SIRPG: variants seen among roughly 807,000 people sequenced by gnomAD.
The protein encoded by SIRPG is signal regulatory protein gamma.
A neutral mutation model predicts 35.7 loss-of-function variants in SIRPG; 38 were observed. The observed-to-expected ratio is 1.06, with a 90% CI of 0.82 to 1.40. The LOEUF is 1.40. Ranked by LOEUF, SIRPG falls within the 40% of genes most tolerant of loss-of-function variation. The pLI is 0.00. For synonymous variants in SIRPG, 215 were observed against 190.4 expected, an observed-to-expected ratio of 1.13 and a Z score of -1.06; for missense variants, 519 against 483.0, an observed-to-expected ratio of 1.07 and a Z score of -0.70.
chr20:1,683,708 C>T, the SIRPG span, among the ~76,000 whole-genome samples: 1 of 152,156 alleles, frequency 6.6e-6, no homozygotes, highest in Non-Finnish European at 1.5e-5. Flanking sequence ...AGAGTAGAGC[C>T]TATAATCACA....
upstream of SIRPG, among the ~76,000 whole-genome samples, chr20:1,659,916 G>C (rs1235783745): frequency 2.0e-5 from 3 of 152,126 alleles, no homozygotes; most frequent in Non-Finnish European, 4.4e-5. Context: ...GTGCAAGCAA[G>C]AATCACCAAA....
At chr20:1,674,152 C>T in the SIRPG span, among the ~76,000 whole-genome samples, 6 of 152,164 alleles carry the variant, frequency 3.9e-5, no homozygotes, top group African/African-American at 1.4e-4. Flanking sequence ...TTTGCATGCC[C>T]AGGCTCATGT....
chr20:1,650,618 G>T lies in SIRPG; in HGVS notation c.74-1210C>A, dbSNP rs555958821. Among the ~76,000 whole-genome samples the T allele has an allele frequency of 1.0e-3, 153 of 152,182 alleles. 1 individual carries two copies. Among genetic ancestry groups the T allele is most frequent in the Non-Finnish European group, 1.9e-3 (132 of 68,000 alleles). On this transcript the variant is annotated intron_variant, in intron 1 of 5. Coordinates refer to ENST00000303415, the MANE Select transcript of SIRPG (RefSeq NM_018556.4). ...TAAGGGAATTCTGGGACACTATCAA[G>T]TGGATTGAAATACACATTATTAGAG...
intron 4 of SIRPG, among the ~76,000 whole-genome samples, chr20:1,634,854 T>C (rs372724569): frequency 7.3e-5 from 11 of 151,668 alleles, no homozygotes; most frequent in Admixed American, 3.3e-4. Flanking sequence ...CCATCCTGGC[T>C]AACACGGTGA....
At chr20:1,643,239 C>T (rs1342582168) in intron 2 of SIRPG, among the ~76,000 whole-genome samples, 1 of 152,126 alleles carries the variant, frequency 6.6e-6, no homozygotes, top group Non-Finnish European at 1.5e-5. Flanking sequence ...TTTACATAGT[C>T]CCATATTTCT....
At chr20:1,632,162 C>T (rs1568722372) in intron 4 of SIRPG, among the ~76,000 whole-genome samples, 2 of 152,118 alleles carry the variant, frequency 1.3e-5, no homozygotes, top group Non-Finnish European at 2.9e-5. Context: ...CAAAGATCTT[C>T]GGTTGACTTA....
At chr20:1,672,132 A>G in the SIRPG span, among the ~76,000 whole-genome samples, 1 of 152,206 alleles carries the variant, frequency 6.6e-6, no homozygotes, top group African/African-American at 2.4e-5. Flanking sequence ...GGCCTGACAC[A>G]TCCAGCTCCT....
At chr20:1,630,379 C>A (rs1207619379) in intron 4 of SIRPG, 73 bp from the exon 5 acceptor site, 10 of 1,181,480 alleles carry the variant, frequency 8.5e-6, no homozygotes, top group Non-Finnish European at 1.1e-5. Flanking sequence ...TCCACTTACC[C>A]CATCTGAGGC....
chr20:1,650,586 C>G (rs905257683), intron 1 of SIRPG, among the ~76,000 whole-genome samples: 1 of 151,736 alleles, frequency 6.6e-6, no homozygotes, highest in Non-Finnish European at 1.5e-5. Context: ...GTATAGAGAA[C>G]AGAATCTAAG....
At chr20:1,639,090 T>A (rs2091829131) in intron 2 of SIRPG, among the ~76,000 whole-genome samples, 1 of 152,218 alleles carries the variant, frequency 6.6e-6, no homozygotes, top group African/African-American at 2.4e-5. Flanking sequence ...TACATGTGCA[T>A]GTGTCCTCAT....
intron 3 of SIRPG, among the ~76,000 whole-genome samples, chr20:1,635,802 G>A (rs930905726): frequency 6.6e-6 from 1 of 152,178 alleles, no homozygotes; most frequent in Non-Finnish European, 1.5e-5. Context: ...GGTGCTCAAG[G>A]ACTGGTAGCT....
chr20:1,666,822 C>T, the SIRPG span, among the ~76,000 whole-genome samples: 1 of 151,734 alleles, frequency 6.6e-6, no homozygotes, highest in Non-Finnish European at 1.5e-5. Context: ...TACATGTGTA[C>T]CATTTTAAAA....
intron 1 of SIRPG, among the ~76,000 whole-genome samples, chr20:1,653,774 C>T (rs1052252183): frequency 3.9e-5 from 6 of 152,148 alleles, no homozygotes; most frequent in Middle Eastern, 3.2e-3. Context: ...CTTCAATGTG[C>T]ATTTCATATA....
Position 1,649,278 on chromosome 20 carries a change from T to G in SIRPG, c.204A>C (p.Arg68Ser). The stretch of plus-strand genomic sequence containing the variant: ...TTAATTCCCGGCCTGGTCCAACTCC[T>G]CTGAACCACAGGACGGGTCCCACGG... The part of the protein sequence containing the change: ...LLPVGPVLWF[R>S]GVGPGRELIY... Residue 68 changes from arginine (R) to serine (S), a missense_variant, in exon 2 of 6, where the codon AGA (arginine) becomes AGC (serine). Arg to Ser is a moderately radical substitution (Grantham distance 110). Coordinates refer to ENST00000303415, the MANE Select transcript of SIRPG (RefSeq NM_018556.4). The G allele has an allele frequency of 7.4e-6, 12 of 1,614,126 alleles. No individual in the cohort carries two copies. The highest frequency in any genetic ancestry group is 1.0e-5 in the Non-Finnish European group (12 of 1,180,016).
chr20:1,653,989 C>T (rs1259938129), intron 1 of SIRPG, among the ~76,000 whole-genome samples: 1 of 152,074 alleles, frequency 6.6e-6, no homozygotes, highest in Non-Finnish European at 1.5e-5. Flanking sequence ...CCTGTAATCC[C>T]AGCACTTTGG....
At chr20:1,674,653 C>T in the SIRPG span, among the ~76,000 whole-genome samples, 1 of 152,206 alleles carries the variant, frequency 6.6e-6, no homozygotes, top group African/African-American at 2.4e-5. Flanking sequence ...TGCACATCCT[C>T]TCCCATCCTC....
chr20:1,678,648 G>A, the SIRPG span, among the ~76,000 whole-genome samples: 1 of 152,022 alleles, frequency 6.6e-6, no homozygotes, highest in Non-Finnish European at 1.5e-5. Context: ...AGAGAAAGGG[G>A]CAGAAGATTA....
chr20:1,636,061 TGGCG>T, intron 3 of SIRPG, 123 bp downstream of exon 3: 1 of 1,347,600 alleles, frequency 7.4e-7, no homozygotes, highest in Non-Finnish European at 1.0e-6. Flanking sequence ...CCTAGGTGCA[TGGCG>T]GGCGGGCAGT....
the SIRPG span, among the ~76,000 whole-genome samples, chr20:1,675,710 A>T: frequency 0.24 from 36,734 of 152,102 alleles, 5,188 homozygotes; most frequent in East Asian, 0.59. Context: ...TGTAACATCA[A>T]GTACATTTCT....
Sources: allele counts gnomAD v4.1 joint callset (sites outside exome capture counted in the v4.1 genomes callset), GRCh38; gene constraint gnomAD v4.1.1; transcripts MANE v1.5; gene names NCBI Gene and HGNC (gene_info 2026-07-23, HGNC 2026-07-21).